Variants in PTPRO observed in about 807,000 individuals in gnomAD.
The protein encoded by PTPRO is protein tyrosine phosphatase receptor type O.
In PTPRO, 62 loss-of-function variants were observed where a neutral mutation model predicts 145.2. The observed-to-expected ratio is 0.43, with a 90% CI of 0.35 to 0.53. PTPRO has a LOEUF of 0.53. Among genes scored for constraint, PTPRO ranks in the 20% least tolerant of loss-of-function variants. The probability of loss-of-function intolerance (pLI) is 0.01; values close to 1 mark genes in which losing one functional copy is unlikely to be tolerated. For missense variants in PTPRO, 1,345 were observed against 1,482.7 expected, an observed-to-expected ratio of 0.91 and a Z score of 1.53; for synonymous variants, 565 against 514.7, an observed-to-expected ratio of 1.10 and a Z score of -1.32.
rs186018874 is a variant in PTPRO at position 15,496,557 on chromosome 12, G to A, written c.350-688G>A. ...CAGGAGAGTGGGAGGGGGAGGAGAG[G>A]CAGGCATATATCGATCATGGATTTT... On this transcript the variant is annotated intron_variant, in intron 2 of 26. Transcript: ENST00000281171. 2.7e-3 allele frequency among the ~76,000 whole-genome samples: 408 copies of A among 152,196 alleles called. 3 individuals carry two copies. Among genetic ancestry groups the A allele is most frequent in the African/African-American group, 9.6e-3 (397 of 41,540 alleles).
chr12:15,418,264 A>G (rs1369215870), intron 1 of PTPRO, among the ~76,000 whole-genome samples: 2 of 151,794 alleles, frequency 1.3e-5, no homozygotes, highest in African/African-American at 4.9e-5. Flanking sequence ...AACAGGCCCT[A>G]CATATTAGAG....
intron 1 of PTPRO, among the ~76,000 whole-genome samples, chr12:15,445,977 A>T (rs560293716): frequency 6.6e-6 from 1 of 152,270 alleles, no homozygotes; most frequent in African/African-American, 2.4e-5. Flanking sequence ...TGAAATTGAC[A>T]TTTGTAAAGC....
chr12:15,507,071 T>A (rs1454777989), intron 6 of PTPRO, among the ~76,000 whole-genome samples: 1 of 152,120 alleles, frequency 6.6e-6, no homozygotes, highest in East Asian at 1.9e-4. Flanking sequence ...AGTTTTCACA[T>A]CTGAAAAGTG....
chr12:15,491,299 T>C (rs926225274), intron 2 of PTPRO, among the ~76,000 whole-genome samples: 1 of 152,236 alleles, frequency 6.6e-6, no homozygotes, highest in African/African-American at 2.4e-5. Flanking sequence ...GCTTCTTTAG[T>C]TTGTATTCTT....
intron 1 of PTPRO, among the ~76,000 whole-genome samples, chr12:15,336,746 G>C (rs1285618840): frequency 6.6e-6 from 1 of 152,180 alleles, no homozygotes; most frequent in Non-Finnish European, 1.5e-5. Context: ...TCCTCCAGCA[G>C]CCCAGTCTGC....
intron 1 of PTPRO, among the ~76,000 whole-genome samples, chr12:15,385,872 T>C (rs939475784): frequency 5.6e-5 from 8 of 143,384 alleles, no homozygotes; most frequent in South Asian, 2.3e-4. Context: ...GATAGATAGA[T>C]GATAGATAGA....
chr12:15,511,487 C>T (rs1306249583), intron 7 of PTPRO, among the ~76,000 whole-genome samples: 2 of 152,132 alleles, frequency 1.3e-5, no homozygotes, highest in Non-Finnish European at 2.9e-5. Context: ...GATGTATATG[C>T]CCATAGCTAC....
chr12:15,579,950 T>C (rs1428255337), intron 20 of PTPRO, 89 bp from the exon 21 acceptor site: 1 of 982,230 alleles, frequency 1.0e-6, no homozygotes, highest in Non-Finnish European at 1.6e-6. Context: ...TGTCACTGAC[T>C]GATTTAACTT....
intron 2 of PTPRO, among the ~76,000 whole-genome samples, chr12:15,491,679 C>T (rs913561007): frequency 8.5e-5 from 13 of 152,348 alleles, no homozygotes; most frequent in African/African-American, 3.1e-4. Context: ...TTGTCATCCA[C>T]TTTTTGCTCC....
At chr12:15,414,142 A>G (rs1939879662) in intron 1 of PTPRO, among the ~76,000 whole-genome samples, 1 of 152,228 alleles carries the variant, frequency 6.6e-6, no homozygotes, top group African/African-American at 2.4e-5. Flanking sequence ...AAATACTGAT[A>G]CCCAGAAGTA....
At chr12:15,488,977 A>G (rs1209704185) in intron 2 of PTPRO, among the ~76,000 whole-genome samples, 3 of 152,186 alleles carry the variant, frequency 2.0e-5, no homozygotes, top group Admixed American at 2.0e-4. Context: ...AGTTCTACAG[A>G]TAGTGGCTGT....
rs756265588 is a variant in PTPRO at position 15,516,747 on chromosome 12, G to T, written c.1586-16G>T. The T allele has an allele frequency of 1.9e-6, 3 of 1,582,530 alleles. No homozygotes were observed. Among genetic ancestry groups the T allele is most frequent in the Non-Finnish European group, 2.6e-6 (3 of 1,151,418 alleles). On this transcript the variant is annotated splice_polypyrimidine_tract_variant and intron_variant, in intron 8 of 26. Coordinates refer to ENST00000281171, the MANE Select transcript of PTPRO (RefSeq NM_030667.3). ...TCTTAACTTTCTTTTTCTACCCCCT[G>T]CCCTCTTCTTTCTAGTTCCCACAGG...
rs1300033925 is a variant in PTPRO at position 15,596,397 on chromosome 12, T to C, written c.*324T>C. Reference sequence around the variant, plus strand: ...GCCCTTTGCTGGTTGGGCTGAGTTTTTTATTTTTAAGTGTTTGTTTTTCAG... The same window carrying C: ...GCCCTTTGCTGGTTGGGCTGAGTTTCTTATTTTTAAGTGTTTGTTTTTCAG... On this transcript the variant is annotated 3_prime_UTR_variant, in exon 27 of 27. Coordinates refer to ENST00000281171, the MANE Select transcript of PTPRO (RefSeq NM_030667.3). The C allele has an allele frequency of 1.1e-4, 17 of 152,614 alleles. No individual in the cohort carries two copies. The highest frequency in any genetic ancestry group is 1.1e-3 in the Admixed American group (17 of 15,278). 9.5% of individuals were successfully genotyped at this position (152,614 alleles called of 1,614,324 possible). A position where few individuals can be genotyped will look rare whatever the true frequency, so the allele number is the denominator to read the frequency against.
chr12:15,538,832 C>T (rs1342016739), intron 12 of PTPRO, among the ~76,000 whole-genome samples: 1 of 152,138 alleles, frequency 6.6e-6, no homozygotes. Flanking sequence ...AGGTGTGGAT[C>T]CCAGTTCTTG....
intron 1 of PTPRO, among the ~76,000 whole-genome samples, chr12:15,368,235 C>G (rs1938421939): frequency 6.6e-6 from 1 of 152,182 alleles, no homozygotes; most frequent in African/African-American, 2.4e-5. Context: ...GCTCTTCCCT[C>G]TATCTGGCAT....
At chr12:15,492,241 G>C (rs1414573199) in intron 2 of PTPRO, among the ~76,000 whole-genome samples, 1 of 152,134 alleles carries the variant, frequency 6.6e-6, no homozygotes, top group Non-Finnish European at 1.5e-5. Flanking sequence ...CCCAGAGCCT[G>C]TGTCTCAAAA....
intron 5 of PTPRO, 53 bp from the exon 6 acceptor site, chr12:15,503,855 G>T: frequency 6.9e-7 from 1 of 1,453,908 alleles, no homozygotes; most frequent in Non-Finnish European, 9.6e-7. Context: ...TCTATACCCA[G>T]GGCCTTTCCA....
intron 19 of PTPRO, among the ~76,000 whole-genome samples, chr12:15,573,756 T>A (rs887602254): frequency 1.3e-5 from 2 of 152,216 alleles, no homozygotes; most frequent in Non-Finnish European, 2.9e-5. Context: ...AGTCCCATTC[T>A]GCCCCCTACA....
intron 2 of PTPRO, among the ~76,000 whole-genome samples, chr12:15,484,960 C>T (rs956673533): frequency 2.6e-5 from 4 of 152,014 alleles, no homozygotes; most frequent in Non-Finnish European, 5.9e-5. Flanking sequence ...GGAAGAAAAA[C>T]TGATATCTGT....
Sources: allele counts gnomAD v4.1 joint callset (sites outside exome capture counted in the v4.1 genomes callset), GRCh38; gene constraint gnomAD v4.1.1; transcripts MANE v1.5; gene names NCBI Gene and HGNC (gene_info 2026-07-23, HGNC 2026-07-21).